Variants in ARHGAP10 observed in about 807,000 individuals in gnomAD.
The protein encoded by ARHGAP10 is rho GTPase-activating protein 10.
In ARHGAP10, 87 loss-of-function variants were observed where a neutral mutation model predicts 108.6. The observed-to-expected ratio is 0.80, with a 90% CI of 0.67 to 0.96. The LOEUF (loss-of-function observed/expected upper bound fraction) is 0.96. Among genes scored for constraint, ARHGAP10 ranks in the 40% least tolerant of loss-of-function variants. The pLI, the probability that ARHGAP10 is intolerant of heterozygous loss-of-function variation, is 0.00. For synonymous variants in ARHGAP10, 347 were observed against 341.1 expected (o/e 1.02, Z -0.19); for missense variants, 939 against 954.5 (o/e 0.98, Z 0.21).
Position 148,069,343 on chromosome 4 carries a change from CTG to C in ARHGAP10, c.2273-2648_2273-2647del, listed in dbSNP as rs1438675654. On this transcript the variant is annotated intron_variant, in intron 22 of 22. Coordinates refer to ENST00000336498, the MANE Select transcript of ARHGAP10 (RefSeq NM_024605.4). ...GTTACAGGATCCCCCTTGGTCGCCT[CTG>C]TAAAGCAGTGACATCTCTCTCCCTA... Among the ~76,000 whole-genome samples the C allele has an allele frequency of 7.2e-5, 11 of 152,240 alleles. No homozygotes were observed. In the South Asian group the frequency reaches 2.3e-3, roughly 32 times the overall value.
intron 1 of ARHGAP10, 49 bp downstream of exon 1, chr4:147,732,504 G>T (rs747647835): frequency 1.2e-6 from 2 of 1,601,324 alleles, no homozygotes; most frequent in Non-Finnish European, 1.7e-6. Flanking sequence ...CGAGGCGGCT[G>T]GGGGAGCCTC....
intron 15 of ARHGAP10, among the ~76,000 whole-genome samples, chr4:147,954,143 C>A (rs1183340046): frequency 6.6e-6 from 1 of 151,856 alleles, no homozygotes; most frequent in African/African-American, 2.4e-5. Flanking sequence ...AATAAATGGC[C>A]TGTATGCACT....
intron 1 of ARHGAP10, among the ~76,000 whole-genome samples, chr4:147,767,136 C>T (rs1729869773): frequency 6.6e-6 from 1 of 152,054 alleles, no homozygotes; most frequent in Non-Finnish European, 1.5e-5. Context: ...CAGGTGTGAG[C>T]CACCGCGCCC....
At chr4:147,738,518 A>G (rs1578984075) in intron 1 of ARHGAP10, among the ~76,000 whole-genome samples, 1 of 152,026 alleles carries the variant, frequency 6.6e-6, no homozygotes, top group African/African-American at 2.4e-5. Context: ...GCGTCACTGC[A>G]CTCCAGCCTG....
intron 18 of ARHGAP10, among the ~76,000 whole-genome samples, chr4:148,007,096 C>CA (rs1740981396): frequency 6.6e-6 from 1 of 152,070 alleles, no homozygotes; most frequent in South Asian, 2.1e-4. Flanking sequence ...TATTCTTGGA[C>CA]AAAAATCTGT....
At position 147,854,691 on chromosome 4, in the gene ARHGAP10, G is replaced by A. The variant is rs971149862; in HGVS notation, c.385-2862G>A. On this transcript the variant is annotated intron_variant, in intron 4 of 22. Coordinates refer to ENST00000336498, the MANE Select transcript of ARHGAP10 (RefSeq NM_024605.4). ...ATCATTTCAGCACAAGAAATCATAT[G>A]AGCACAAAGAAACAATAATACTCTA... is the stretch of plus-strand genomic sequence containing the variant. The A allele has an allele frequency of 1.7e-5, 17 of 982,942 alleles. No homozygotes were observed. In the East Asian group the frequency reaches 1.8e-3, roughly 105 times the overall value. 60.9% of individuals were successfully genotyped at this position (982,942 alleles called of 1,614,324 possible). A position where few individuals can be genotyped will look rare whatever the true frequency, so the allele number is the denominator to read the frequency against.
chr4:148,072,467 C>G lies in ARHGAP10; in HGVS notation c.*386C>G, dbSNP rs934925932. 4.8e-6 allele frequency: 1 copy of G among 206,564 alleles called. No homozygotes were observed. The highest frequency in any genetic ancestry group is 9.6e-6 in the Non-Finnish European group (1 of 104,178). The allele number at this position is 206,564 out of a possible 1,614,324, so 12.8% of individuals were successfully genotyped here. A position where few individuals can be genotyped will look rare whatever the true frequency, so the allele number is the denominator to read the frequency against. Reference sequence around the variant, plus strand: ...TCTCCTCCCTGAGCACCTGCTGCTGCGATTTTAAAGGGAACTGTACTACTC... The same window carrying G: ...TCTCCTCCCTGAGCACCTGCTGCTGGGATTTTAAAGGGAACTGTACTACTC... On this transcript the variant is annotated 3_prime_UTR_variant, in exon 23 of 23. Transcript: ENST00000336498.
intron 10 of ARHGAP10, among the ~76,000 whole-genome samples, chr4:147,904,593 G>A (rs1191642876): frequency 1.3e-5 from 2 of 152,164 alleles, no homozygotes; most frequent in Non-Finnish European, 2.9e-5. Context: ...AGTATTCCAT[G>A]ATGTATATGT....
At chr4:147,900,439 C>G (rs1412716015) in intron 10 of ARHGAP10, among the ~76,000 whole-genome samples, 1 of 152,178 alleles carries the variant, frequency 6.6e-6, no homozygotes, top group East Asian at 1.9e-4. Flanking sequence ...ATCCTGGCAG[C>G]TTGCCCTTTT....
At chr4:147,952,803 G>A (rs1322813529) in intron 15 of ARHGAP10, among the ~76,000 whole-genome samples, 3 of 151,884 alleles carry the variant, frequency 2.0e-5, no homozygotes, top group African/African-American at 7.2e-5. Flanking sequence ...GTGCTTTTGT[G>A]GCTATATTAA....
At chr4:147,847,015 A>G (rs1333711944) in intron 3 of ARHGAP10, 136 bp from the exon 4 acceptor site, 4 of 627,938 alleles carry the variant, frequency 6.4e-6, no homozygotes, top group Non-Finnish European at 8.2e-6. Flanking sequence ...TAATTGTTGC[A>G]TTGGCAGAGT....
At chr4:147,987,708 C>T (rs1369055751) in intron 18 of ARHGAP10, among the ~76,000 whole-genome samples, 1 of 152,178 alleles carries the variant, frequency 6.6e-6, no homozygotes, top group Admixed American at 6.5e-5. Context: ...GAGGTTGTCT[C>T]TGGGCTTTGG....
At chr4:148,004,792 C>A (rs1740878421) in intron 18 of ARHGAP10, among the ~76,000 whole-genome samples, 1 of 152,194 alleles carries the variant, frequency 6.6e-6, no homozygotes, top group Non-Finnish European at 1.5e-5. Context: ...GCTTTGTGGG[C>A]TGAGGACCTC....
rs559614093 is a variant in ARHGAP10 at position 147,796,510 on chromosome 4, C to T, written c.155-26217C>T. Among the ~76,000 whole-genome samples the T allele has an allele frequency of 7.6e-4, 115 of 151,960 alleles. No homozygotes were observed. The Middle Eastern group carries it at 0.01, about 13-fold the overall frequency. ...CAAATACTGGTTCATCTCTTTTTTT[C>T]CTTATTTCTTTTTTTTTATTTTTCT... is the stretch of plus-strand genomic sequence containing the variant. On this transcript the variant is annotated intron_variant, in intron 1 of 22. Coordinates refer to ENST00000336498, the MANE Select transcript of ARHGAP10 (RefSeq NM_024605.4).
At chr4:148,058,955 C>T (rs1405956521) in intron 20 of ARHGAP10, among the ~76,000 whole-genome samples, 1 of 152,198 alleles carries the variant, frequency 6.6e-6, no homozygotes, top group Non-Finnish European at 1.5e-5. Context: ...GCTCTTCCAC[C>T]CACCCCACCT....
intron 13 of ARHGAP10, among the ~76,000 whole-genome samples, chr4:147,913,888 C>CAA (rs1166646905): frequency 6.6e-6 from 1 of 152,196 alleles, no homozygotes; most frequent in Non-Finnish European, 1.5e-5. Context: ...CGTGGTGGCT[C>CAA]ACGCTGGTAA....
intron 18 of ARHGAP10, among the ~76,000 whole-genome samples, chr4:147,984,855 C>T (rs1739969728): frequency 1.3e-5 from 2 of 152,214 alleles, no homozygotes; most frequent in African/African-American, 4.8e-5. Context: ...CTGTGGAGTG[C>T]ACAGTGGTCT....
chr4:147,907,745 A>G (rs996349831), intron 11 of ARHGAP10, among the ~76,000 whole-genome samples: 9 of 152,198 alleles, frequency 5.9e-5, no homozygotes, highest in African/African-American at 1.9e-4. Flanking sequence ...ATATTGGGGA[A>G]TGTATCACTC....
At chr4:147,974,487 G>A (rs1337549426) in intron 18 of ARHGAP10, among the ~76,000 whole-genome samples, 3 of 151,992 alleles carry the variant, frequency 2.0e-5, no homozygotes, top group African/African-American at 7.3e-5. Flanking sequence ...TGAAAAATTG[G>A]CAATTTATAA....
Sources: allele counts gnomAD v4.1 joint callset (sites outside exome capture counted in the v4.1 genomes callset), GRCh38; gene constraint gnomAD v4.1.1; transcripts MANE v1.5; gene names NCBI Gene and HGNC (gene_info 2026-07-23, HGNC 2026-07-21).